Variants in APBB1IP observed in about 807,000 individuals in gnomAD.
APBB1IP encodes amyloid beta precursor protein binding family B member 1 interacting protein, also known as amyloid beta A4 precursor protein-binding family B member 1-interacting protein.
In APBB1IP, 27 loss-of-function variants were observed where a neutral mutation model predicts 64.9. The ratio of observed to expected loss-of-function variants is 0.42; its 90% CI spans 0.31 to 0.57. The LOEUF (loss-of-function observed/expected upper bound fraction) is 0.57. Ranked by LOEUF, APBB1IP falls within the 20% of genes least tolerant of loss-of-function variation. The probability of loss-of-function intolerance (pLI) is 0.20; values close to 1 mark genes in which losing one functional copy is unlikely to be tolerated. For synonymous variants in APBB1IP, 392 were observed against 331.0 expected, an observed-to-expected ratio of 1.18 and a Z score of -2.00; for missense variants, 812 against 845.5, an observed-to-expected ratio of 0.96 and a Z score of 0.49.
intron 2 of APBB1IP, among the ~76,000 whole-genome samples, chr10:26,453,748 T>A (rs1835491109): frequency 6.6e-6 from 1 of 152,114 alleles, no homozygotes; most frequent in African/African-American, 2.4e-5. Flanking sequence ...ACGTCACTAG[T>A]CATAAAGGAA....
At chr10:26,478,707 G>T (rs1023629699) in intron 2 of APBB1IP, among the ~76,000 whole-genome samples, 3 of 152,070 alleles carry the variant, frequency 2.0e-5, no homozygotes, top group Non-Finnish European at 4.4e-5. Context: ...AGCCCTAAGA[G>T]CACCAAGGGA....
chr10:26,557,531 G>A (rs1389271556), intron 11 of APBB1IP, among the ~76,000 whole-genome samples: 4 of 152,278 alleles, frequency 2.6e-5, no homozygotes, highest in Non-Finnish European at 4.4e-5. Context: ...GAATTTTTCC[G>A]TAGTCTCTTC....
intron 2 of APBB1IP, among the ~76,000 whole-genome samples, chr10:26,457,439 C>T (rs1835540191): frequency 6.6e-6 from 1 of 152,178 alleles, no homozygotes; most frequent in Admixed American, 6.5e-5. Flanking sequence ...TGTGCCTGGC[C>T]TCACCTTTGA....
At position 26,487,447 on chromosome 10, in the gene APBB1IP, C is replaced by T. The variant is rs1835906046; in HGVS notation, c.1-4880C>T. Among the ~76,000 whole-genome samples the T allele has an allele frequency of 2.0e-5, 3 of 152,092 alleles. No homozygotes were observed. In the South Asian group the frequency reaches 6.2e-4, roughly 31 times the overall value. On this transcript the variant is annotated intron_variant, in intron 2 of 14. Transcript: ENST00000376236. ...AACAAACTGCCCTGAAGTCAAATGTCTTTTTATCTTCACCGTGGGTGCAAC... is the reference window on the plus strand; with the variant it reads ...AACAAACTGCCCTGAAGTCAAATGTTTTTTTATCTTCACCGTGGGTGCAAC...
At chr10:26,561,002 C>T (rs1027435603) in intron 13 of APBB1IP, among the ~76,000 whole-genome samples, 158 bp downstream of exon 13, 6 of 151,666 alleles carry the variant, frequency 4.0e-5, no homozygotes, top group Admixed American at 1.3e-4. Context: ...CAGCCCAGCC[C>T]TCACACACAC....
At chr10:26,507,814 A>G (rs1285158723) in intron 6 of APBB1IP, among the ~76,000 whole-genome samples, 1 of 152,238 alleles carries the variant, frequency 6.6e-6, no homozygotes. Context: ...AGATTAAAAG[A>G]TAGAACAGCC....
chr10:26,515,738 C>A (rs996594930), intron 8 of APBB1IP, among the ~76,000 whole-genome samples: 3 of 152,082 alleles, frequency 2.0e-5, no homozygotes, highest in Non-Finnish European at 4.4e-5. Context: ...TACCTCCATA[C>A]CCCTTTAGGC....
chr10:26,543,358 T>TG (rs1021139324), intron 11 of APBB1IP, among the ~76,000 whole-genome samples: 1 of 150,054 alleles, frequency 6.7e-6, no homozygotes, highest in African/African-American at 2.5e-5. Context: ...TCCCGCTACT[T>TG]GGGGGGCTTG....
At chr10:26,457,683 C>CG (rs1365136790) in intron 2 of APBB1IP, among the ~76,000 whole-genome samples, 3 of 152,172 alleles carry the variant, frequency 2.0e-5, no homozygotes, top group Non-Finnish European at 4.4e-5. Context: ...TTTAAACCAC[C>CG]GGTAGGGCTG....
At chr10:26,451,929 A>C (rs1835469525) in intron 2 of APBB1IP, among the ~76,000 whole-genome samples, 1 of 151,514 alleles carries the variant, frequency 6.6e-6, no homozygotes, top group Non-Finnish European at 1.5e-5. Context: ...TTAGATATCA[A>C]TTATCAACAC....
At position 26,560,092 on chromosome 10, in the gene APBB1IP, T is replaced by C; in HGVS notation, c.1156-13T>C. 6.2e-7 allele frequency: 1 copy of C among 1,609,790 alleles called. No homozygotes were observed. The highest frequency in any genetic ancestry group is 8.5e-7 in the Non-Finnish European group (1 of 1,176,058). On this transcript the variant is annotated splice_polypyrimidine_tract_variant and intron_variant, in intron 11 of 14. Transcript: ENST00000376236. ...ACAAGTGAATACATTGTCTCGAAACTGCTTCTTTCTAGCACCCCCAAATTC... is the reference window on the plus strand; with the variant it reads ...ACAAGTGAATACATTGTCTCGAAACCGCTTCTTTCTAGCACCCCCAAATTC...
At chr10:26,506,257 GGGGGGT>G (rs1836176724) in intron 6 of APBB1IP, among the ~76,000 whole-genome samples, 1 of 140,804 alleles carries the variant, frequency 7.1e-6, no homozygotes, top group African/African-American at 2.5e-5. Context: ...GTGTGGGGGG[GGGGGGT>G]GGGGGGCAAG....
rs373159852 is a variant in APBB1IP, at chr10:26,552,287, A to T, written c.1156-7818A>T. Among the ~76,000 whole-genome samples the T allele has an allele frequency of 3.9e-5, 6 of 152,122 alleles. No individual in the cohort carries two copies. The East Asian group carries it at 1.2e-3, about 29-fold the overall frequency. On this transcript the variant is annotated intron_variant, in intron 11 of 14. Coordinates refer to ENST00000376236, the MANE Select transcript of APBB1IP (RefSeq NM_019043.4). ...GCACTCCAGCCGGGGCAACAGAGTG[A>T]GACTCTGTCTCTAAAGAAATGCTTA...
chr10:26,509,148 C>A (rs1338262779), intron 6 of APBB1IP, among the ~76,000 whole-genome samples: 1 of 152,162 alleles, frequency 6.6e-6, no homozygotes, highest in African/African-American at 2.4e-5. Flanking sequence ...TCCATACAAC[C>A]CTCCATGACT....
chr10:26,488,828 C>G (rs141564835), intron 2 of APBB1IP, among the ~76,000 whole-genome samples: 1 of 152,226 alleles, frequency 6.6e-6, no homozygotes, highest in African/African-American at 2.4e-5. Flanking sequence ...TCACCTGTTG[C>G]TTCTATACCT....
intron 11 of APBB1IP, among the ~76,000 whole-genome samples, chr10:26,545,392 A>G (rs983370313): frequency 2.0e-5 from 3 of 152,238 alleles, no homozygotes; most frequent in African/African-American, 7.2e-5. Flanking sequence ...TGGGAGGCCA[A>G]GGCGGATGGA....
chr10:26,536,241 A>T (rs1304924061), intron 10 of APBB1IP, 24 bp downstream of exon 10: 1 of 1,536,920 alleles, frequency 6.5e-7, no homozygotes, highest in South Asian at 1.2e-5. Flanking sequence ...AAAAAAAAGC[A>T]CTTAGCAATA....
intron 3 of APBB1IP, 120 bp from the exon 4 acceptor site, chr10:26,496,184 A>G: frequency 1.6e-6 from 1 of 643,514 alleles, no homozygotes; most frequent in East Asian, 2.9e-5. Flanking sequence ...TATGGTTTTC[A>G]GAGAACACAC....
At chr10:26,538,573 G>A (rs559101090) in intron 10 of APBB1IP, among the ~76,000 whole-genome samples, 70 of 151,068 alleles carry the variant, frequency 4.6e-4, no homozygotes, top group Non-Finnish European at 9.1e-4. Flanking sequence ...CCCAGGAGGC[G>A]GAGGTTGCAG....
Sources: gnomAD v4.1 joint callset for allele counts (sites outside exome capture counted in the v4.1 genomes callset) on GRCh38, gnomAD v4.1.1 for gene constraint, MANE v1.5 for transcripts, NCBI Gene and HGNC (gene_info 2026-07-23, HGNC 2026-07-21) for gene names.